Variants in MANBA observed in about 807,000 individuals in gnomAD.
MANBA encodes the protein beta-mannosidase.
Under a neutral mutation model 111.1 loss-of-function variants are expected in MANBA, and 83 were observed. That is an observed-to-expected ratio of 0.75 (90% CI 0.63 to 0.90). MANBA has a LOEUF of 0.90. MANBA is among the 40% of genes least tolerant of loss of function. The pLI is 0.00. For synonymous variants in MANBA, 370 were observed against 378.7 expected (o/e 0.98, Z 0.27); for missense variants, 1,036 against 1,069.0 (o/e 0.97, Z 0.43).
chr4:102,687,159 T>G (rs1732253565), intron 7 of MANBA, among the ~76,000 whole-genome samples: 1 of 152,152 alleles, frequency 6.6e-6, no homozygotes, highest in South Asian at 2.1e-4. Flanking sequence ...TCCTAACTCC[T>G]TCTTTTTTCC....
rs1038005679 is a variant in MANBA at position 102,757,252 on chromosome 4, C to T, written c.177+3466G>A. Among the ~76,000 whole-genome samples the T allele has an allele frequency of 9.2e-5, 14 of 151,834 alleles. No homozygotes were observed. The South Asian group carries it at 1.9e-3, about 20-fold the overall frequency. ...ACTGAGGCAGGAGAATCTCTTGAAC[C>T]CAGGAGGCAGAGGTTGCGGTGAGCC... On this transcript the variant is annotated intron_variant, in intron 1 of 16. Transcript: ENST00000647097.
intron 1 of MANBA, among the ~76,000 whole-genome samples, chr4:102,741,962 A>G (rs983018354): frequency 6.6e-6 from 1 of 152,150 alleles, no homozygotes; most frequent in South Asian, 2.1e-4. Context: ...GGTCTGGGCC[A>G]TTTGTAGTCC....
chr4:102,721,966 G>C (rs1264286003), intron 4 of MANBA, among the ~76,000 whole-genome samples: 1 of 150,154 alleles, frequency 6.7e-6, no homozygotes, highest in Non-Finnish European at 1.5e-5. Context: ...GAAGGTGGAG[G>C]CTGCGGTGAG....
intron 2 of MANBA, among the ~76,000 whole-genome samples, chr4:102,724,785 A>G (rs1417558677): frequency 2.0e-5 from 3 of 152,048 alleles, no homozygotes; most frequent in Non-Finnish European, 2.9e-5. Context: ...TACAAGTGCT[A>G]TCAGAGTTTA....
intron 5 of MANBA, among the ~76,000 whole-genome samples, chr4:102,704,300 T>G (rs1733196669): frequency 6.6e-6 from 1 of 152,118 alleles, no homozygotes. Flanking sequence ...CACCTCAGCC[T>G]CCGAATACTT....
chr4:102,725,612 T>C (rs915425815), intron 2 of MANBA, among the ~76,000 whole-genome samples: 1 of 152,200 alleles, frequency 6.6e-6, no homozygotes, highest in Non-Finnish European at 1.5e-5. Flanking sequence ...CTTGGCACAA[T>C]CAATATTCTG....
rs137948634 is a variant in MANBA, at chr4:102,722,947, T to G, written c.473A>C (p.His158Pro). Reference protein sequence around the residue: ...VLYAAQQSKAHTRYQVPPDCP... With the variant: ...VLYAAQQSKAPTRYQVPPDCP... ...GTCTGGGGGAACCTGGTAGCGAGTGTGAGCTTTGCTCTGCTGTGCTGCATA... is the reference window on the plus strand; with the variant it reads ...GTCTGGGGGAACCTGGTAGCGAGTGGGAGCTTTGCTCTGCTGTGCTGCATA... Residue 158 changes from histidine to proline, a missense_variant, in exon 4 of 17, where the codon CAC (histidine) becomes CCC (proline). By Grantham distance (77) the His-to-Pro change is moderately conservative. Coordinates refer to ENST00000647097, the MANE Select transcript of MANBA (RefSeq NM_005908.4). 2.8e-5 allele frequency: 45 copies of G among 1,614,052 alleles called. No individual in the cohort carries two copies. The highest frequency in any genetic ancestry group is 3.8e-5 in the Non-Finnish European group (45 of 1,179,994).
chr4:102,632,031 C>G lies in MANBA; in HGVS notation c.*26G>C. ...TTTAGAAATGCTTTATTCCCATTGT[C>G]CACTGAAAATACAACCTAGATTCCT... On this transcript the variant is annotated 3_prime_UTR_variant, in exon 17 of 17. Transcript: ENST00000647097. The G allele has an allele frequency of 2.0e-6, 3 of 1,526,066 alleles. No homozygotes were observed. The highest frequency in any genetic ancestry group is 2.7e-6 in the Non-Finnish European group (3 of 1,101,530). The allele number at this position is 1,526,066 out of a possible 1,614,324, so 94.5% of individuals were successfully genotyped here. A position where few individuals can be genotyped will look rare whatever the true frequency, so the allele number is the denominator to read the frequency against.
intron 11 of MANBA, among the ~76,000 whole-genome samples, chr4:102,663,562 A>G (rs1731066020): frequency 6.6e-6 from 1 of 152,222 alleles, no homozygotes; most frequent in Non-Finnish European, 1.5e-5. Context: ...ATATCAGGTA[A>G]ACTATAAATT....
At chr4:102,754,777 C>T (rs1012889779) in intron 1 of MANBA, among the ~76,000 whole-genome samples, 2 of 152,006 alleles carry the variant, frequency 1.3e-5, no homozygotes, top group South Asian at 2.1e-4. Context: ...AGGATGGTCT[C>T]GATCTCCCGA....
chr4:102,657,560 C>T, intron 12 of MANBA, 122 bp downstream of exon 12: 1 of 828,102 alleles, frequency 1.2e-6, no homozygotes. Context: ...CCTCCATCTT[C>T]TTCTCAAACT....
chr4:102,734,651 G>C (rs1723145467), intron 1 of MANBA: 1 of 1,438,590 alleles, frequency 7.0e-7, no homozygotes, highest in African/African-American at 1.4e-5. Flanking sequence ...GGCAGGGAGA[G>C]GGCCTTGGGG....
In MANBA at chr4:102,656,081, C is replaced by T. The variant is rs570185502; in HGVS notation, c.1704+1601G>A. ...CAGCCTGGATGATTTGGTGAAACTCCGTCTCTATAAAAAATACAAAAATTA... is the reference window on the plus strand; with the variant it reads ...CAGCCTGGATGATTTGGTGAAACTCTGTCTCTATAAAAAATACAAAAATTA... On this transcript the variant is annotated intron_variant, in intron 12 of 16. Coordinates refer to ENST00000647097, the MANE Select transcript of MANBA (RefSeq NM_005908.4). Among the ~76,000 whole-genome samples, 4 of 152,088 alleles carry T rather than the reference C, an allele frequency of 2.6e-5. No individual in the cohort carries two copies. The East Asian group carries it at 5.8e-4, about 22-fold the overall frequency.
intron 16 of MANBA, 82 bp downstream of exon 16, chr4:102,634,706 T>C: frequency 6.3e-7 from 1 of 1,577,230 alleles, no homozygotes; most frequent in South Asian, 1.1e-5. Context: ...CATGCAAATC[T>C]CAGGATGCAA....
chr4:102,753,998 G>C, intron 1 of MANBA: 1 of 240,820 alleles, frequency 4.2e-6, no homozygotes, highest in Non-Finnish European at 7.5e-6. Context: ...GTGAGACTCT[G>C]TCTCAAAAAA....
rs374545788 is a variant in MANBA at position 102,664,853 on chromosome 4, C to A, written c.1318-1G>T. On this transcript the variant is annotated splice_acceptor_variant, in intron 10 of 16. Coordinates refer to ENST00000647097, the MANE Select transcript of MANBA (RefSeq NM_005908.4). LOFTEE classifies it high-confidence loss of function. The stretch of plus-strand genomic sequence containing the variant: ...AAGGATGAGATTTCAGTCTCTTGAT[C>A]TGAAAATTAAGAAAACATAAAATGA... 3.1e-5 allele frequency: 49 copies of A among 1,594,092 alleles called. No individual in the cohort carries two copies. The highest frequency in any genetic ancestry group is 4.0e-5 in the Non-Finnish European group (47 of 1,162,022).
intron 10 of MANBA, chr4:102,665,383 A>C (rs1346580421): frequency 6.2e-6 from 1 of 161,824 alleles, no homozygotes; most frequent in Non-Finnish European, 1.3e-5. Flanking sequence ...TTACAAAGCA[A>C]GTGAGTACTA....
At chr4:102,759,466 AAT>A (rs1200734664) in intron 1 of MANBA, among the ~76,000 whole-genome samples, 11 of 152,152 alleles carry the variant, frequency 7.2e-5, no homozygotes, top group African/African-American at 2.7e-4. Context: ...GTCAACTTAA[AAT>A]AAAGTACTAA....
Position 102,664,749 on chromosome 4 carries a change from C to CCA in MANBA, c.1420_1421insTG (p.Arg474LeufsTer10). On this transcript the variant is annotated frameshift_variant, in exon 11 of 17. Transcript: ENST00000647097. LOFTEE classifies it high-confidence loss of function. ...CACATAGTCCTTGATGTAGATTGGCCGGTCAGTGAAACTGATATGATACCA... is the reference window on the plus strand; with the variant it reads ...CACATAGTCCTTGATGTAGATTGGCCCAGGTCAGTGAAACTGATATGATACCA... 1 of 1,612,818 alleles carries CCA rather than the reference C, an allele frequency of 6.2e-7. No individual in the cohort carries two copies. Among genetic ancestry groups the CCA allele is most frequent in the Non-Finnish European group, 8.5e-7 (1 of 1,178,818 alleles).
Sources: gnomAD v4.1 joint callset for allele counts (sites outside exome capture counted in the v4.1 genomes callset) on GRCh38, gnomAD v4.1.1 for gene constraint, MANE v1.5 for transcripts, NCBI Gene and HGNC (gene_info 2026-07-23, HGNC 2026-07-21) for gene names.